KMT2C: variants seen among roughly 807,000 people sequenced by gnomAD.
The protein encoded by KMT2C is lysine methyltransferase 2C, also known as histone-lysine N-methyltransferase 2C.
A neutral mutation model predicts 507.9 loss-of-function variants in KMT2C; 88 were observed. The ratio of observed to expected loss-of-function variants is 0.17; its 90% CI spans 0.15 to 0.21. KMT2C has a LOEUF of 0.21. Ranked by LOEUF, KMT2C falls within the 10% of genes least tolerant of loss-of-function variation. KMT2C has a pLI of 1.00. For synonymous variants in KMT2C, 2,049 were observed against 2,080.8 expected, an observed-to-expected ratio of 0.98 and a Z score of 0.42; for missense variants, 4,954 against 5,957.8, an observed-to-expected ratio of 0.83 and a Z score of 5.55.
chr7:152,180,757 T>C lies in KMT2C; in HGVS notation c.7103A>G (p.Gln2368Arg), dbSNP rs2129119085. 1 of 1,614,178 alleles carries C rather than the reference T, an allele frequency of 6.2e-7. No individual in the cohort carries two copies. Among genetic ancestry groups the C allele is most frequent in the Non-Finnish European group, 8.5e-7 (1 of 1,180,016 alleles). The change falls in exon 36 of 59, where the codon CAG becomes CGG. Residue 2368 changes from glutamine (Q) to arginine (R), a missense_variant. By Grantham distance (43) the Gln-to-Arg change is conservative. Coordinates refer to ENST00000262189, the MANE Select transcript of KMT2C (RefSeq NM_170606.3). ...TGCTTGGGCCATATTTACAGTATTC[T>C]GTGTATCAGTTACTCCTGAAGTTGG... ...PVPTSGVTDT[Q>R]NTVNMAQADT...
chr7:152,214,505 G>A (rs983544627), intron 23 of KMT2C, among the ~76,000 whole-genome samples: 21 of 151,934 alleles, frequency 1.4e-4, no homozygotes, highest in Non-Finnish European at 3.1e-4. Context: ...ATCTAATTTT[G>A]GCATAATGCA....
chr7:152,323,693 A>AGAAG (rs200500344), intron 3 of KMT2C, among the ~76,000 whole-genome samples: 6 of 146,138 alleles, frequency 4.1e-5, no homozygotes, highest in African/African-American at 1.3e-4. Flanking sequence ...AAAAAAGGAA[A>AGAAG]GAAGGAAGGA....
At chr7:152,196,453 A>G (rs1024856468) in intron 27 of KMT2C, among the ~76,000 whole-genome samples, 6 of 152,212 alleles carry the variant, frequency 3.9e-5, no homozygotes, top group South Asian at 4.1e-4. Flanking sequence ...TTCCATATGG[A>G]GCACAAGCCA....
At chr7:152,247,143 T>G (rs2095485293) in intron 14 of KMT2C, among the ~76,000 whole-genome samples, 1 of 152,148 alleles carries the variant, frequency 6.6e-6, no homozygotes, top group Non-Finnish European at 1.5e-5. Flanking sequence ...TTTGTTATCT[T>G]GCAATTTTAA....
chr7:152,364,813 GAGGTTGGGGTTAAAGGGAT>G lies in KMT2C; in HGVS notation c.162-6157_162-6139del, dbSNP rs563322358. 1.9e-3 allele frequency among the ~76,000 whole-genome samples: 283 copies of G among 152,148 alleles called. 1 individual carries two copies. Among genetic ancestry groups the G allele is most frequent in the Non-Finnish European group, 3.2e-3 (221 of 68,008 alleles). Reference sequence around the variant, plus strand: ...AGCAACCTACCTAACTAATATGTGTGAGGTTGGGGTTAAAGGGATAGGGACAAAAAAATTGTTTAGTGAA... The same window carrying G: ...AGCAACCTACCTAACTAATATGTGTGAGGGACAAAAAAATTGTTTAGTGAA... On this transcript the variant is annotated intron_variant, in intron 1 of 58. Coordinates refer to ENST00000262189, the MANE Select transcript of KMT2C (RefSeq NM_170606.3).
At chr7:152,264,647 A>T (rs1588703656) in intron 8 of KMT2C, among the ~76,000 whole-genome samples, 1 of 152,050 alleles carries the variant, frequency 6.6e-6, no homozygotes, top group South Asian at 2.1e-4. Context: ...AAATCCTATT[A>T]AATCTCCTCC....
At chr7:152,352,385 C>T (rs553617850) in intron 2 of KMT2C, among the ~76,000 whole-genome samples, 5 of 152,110 alleles carry the variant, frequency 3.3e-5, no homozygotes, top group Non-Finnish European at 7.4e-5. Context: ...TCTCGCCCTG[C>T]CTTCATTTGC....
chr7:152,136,992 T>G (rs2089928545), intron 58 of KMT2C, 68 bp from the exon 59 acceptor site: 1 of 1,175,780 alleles, frequency 8.5e-7, no homozygotes, highest in African/African-American at 1.5e-5. Flanking sequence ...TGCCTCCATC[T>G]CCCTTGCATT....
intron 16 of KMT2C, among the ~76,000 whole-genome samples, chr7:152,234,796 G>A (rs1411129280): frequency 6.6e-6 from 1 of 151,976 alleles, no homozygotes; most frequent in Non-Finnish European, 1.5e-5. Context: ...CCAGCTACTT[G>A]GGAGACGGAG....
chr7:152,226,280 T>A lies in KMT2C; in HGVS notation c.2977-1664A>T, dbSNP rs2094930888. On this transcript the variant is annotated intron_variant, in intron 18 of 58. Transcript: ENST00000262189. ...TCTTGCTCTGCTCTGTTGCCTAGGC[T>A]GGAGTGCAGTGGTGTGATCTCAGCT... Among the ~76,000 whole-genome samples, 3 of 141,226 alleles carry A rather than the reference T, an allele frequency of 2.1e-5. No individual in the cohort carries two copies. In the Admixed American group the frequency reaches 2.2e-4, roughly 10 times the overall value. 92.6% of individuals were successfully genotyped at this position (141,226 alleles called of 152,430 possible).
chr7:152,282,574 CAGTACTTAGT>C (rs2096237998), intron 6 of KMT2C, among the ~76,000 whole-genome samples: 1 of 151,994 alleles, frequency 6.6e-6, no homozygotes, highest in Admixed American at 6.6e-5. Flanking sequence ...TGACAGAAAA[CAGTACTTAGT>C]AGCCAATTAT....
In KMT2C at chr7:152,181,411, C is replaced by G; in HGVS notation, c.6449G>C (p.Gly2150Ala). Residue 2150 changes from glycine (G) to alanine (A), a missense_variant, in exon 36 of 59, where the codon GGA becomes GCA. Gly to Ala is a moderately conservative substitution (Grantham distance 60). Around this residue, in one of 29 missense-constraint regions of KMT2C, gnomAD observed 1,689 missense variants for 1,654.3 expected, o/e 1.02. Coordinates refer to ENST00000262189, the MANE Select transcript of KMT2C (RefSeq NM_170606.3). The stretch of plus-strand genomic sequence containing the variant: ...AGGGTCTGTATTGGACCTAGCTGTT[C>G]CTGAAGATTGGGAATAAGAATCTAC... The part of the protein sequence containing the change: ...PVVDSYSQSS[G>A]TARSNTDPYS... The G allele has an allele frequency of 1.2e-6, 2 of 1,613,792 alleles. No homozygotes were observed. The highest frequency in any genetic ancestry group is 1.7e-6 in the Non-Finnish European group (2 of 1,179,942).
chr7:152,244,508 C>A (rs867828373), intron 14 of KMT2C, among the ~76,000 whole-genome samples: 16 of 151,916 alleles, frequency 1.1e-4, no homozygotes, highest in Admixed American at 6.6e-5. Flanking sequence ...ACAGCAAGAC[C>A]CCCATCTCTA....
At chr7:152,373,031 A>G (rs1379386583) in intron 1 of KMT2C, among the ~76,000 whole-genome samples, 1 of 152,236 alleles carries the variant, frequency 6.6e-6, no homozygotes, top group East Asian at 1.9e-4. Context: ...CAATTGTATG[A>G]AACTAGAAAT....
At chr7:152,410,348 C>T (rs2097668016) in intron 1 of KMT2C, among the ~76,000 whole-genome samples, 1 of 151,400 alleles carries the variant, frequency 6.6e-6, no homozygotes, top group Non-Finnish European at 1.5e-5. Flanking sequence ...GGAGGCGGAG[C>T]TTGCACTGAG....
intron 1 of KMT2C, among the ~76,000 whole-genome samples, chr7:152,427,054 C>T (rs2097826181): frequency 3.3e-5 from 5 of 151,758 alleles, no homozygotes; most frequent in Admixed American, 3.3e-4. Context: ...CTCACTCTGT[C>T]GCCCAGGCTG....
chr7:152,335,413 G>A (rs1386307820), intron 2 of KMT2C, among the ~76,000 whole-genome samples: 1 of 152,170 alleles, frequency 6.6e-6, no homozygotes, highest in Non-Finnish European at 1.5e-5. Context: ...CAAACTTAAG[G>A]AGGAATAAGA....
intron 41 of KMT2C, among the ~76,000 whole-genome samples, chr7:152,168,882 C>G (rs1189349564): frequency 6.6e-6 from 1 of 152,100 alleles, no homozygotes; most frequent in Non-Finnish European, 1.5e-5. Flanking sequence ...TGGTTTAGTT[C>G]TATAGACTGT....
chr7:152,352,351 C>T (rs1054295028), intron 2 of KMT2C, among the ~76,000 whole-genome samples: 5 of 152,170 alleles, frequency 3.3e-5, no homozygotes, highest in African/African-American at 9.7e-5. Context: ...ATTTTAATTT[C>T]GCCCTGGTCC....
Sources: gnomAD v4.1 joint callset for allele counts (sites outside exome capture counted in the v4.1 genomes callset) on GRCh38, gnomAD v4.1.1 for gene constraint, gnomAD v4.1.1 regional missense constraint, MANE v1.5 for transcripts, NCBI Gene and HGNC (gene_info 2026-07-23, HGNC 2026-07-21) for gene names.